The following PPM1L variants were observed in gnomAD, a reference collection of about 807,000 sequenced individuals.
PPM1L encodes the protein protein phosphatase, Mg2+/Mn2+ dependent 1L.
In PPM1L, 13 loss-of-function variants were observed where a neutral mutation model predicts 31.4. That is an observed-to-expected ratio of 0.41 (90% CI 0.27 to 0.66). The LOEUF (loss-of-function observed/expected upper bound fraction) is 0.66, where lower values mean the gene tolerates loss of function less well. PPM1L is among the 30% of genes least tolerant of loss of function. The pLI is 0.29. For synonymous variants in PPM1L, 184 were observed against 175.4 expected (o/e 1.05, Z -0.39); for missense variants, 326 against 453.7 (o/e 0.72, Z 2.56).
chr3:160,762,186 C>T (rs7632089), intron 1 of PPM1L, among the ~76,000 whole-genome samples: 9,649 of 152,196 alleles, frequency 0.063, 869 homozygotes, highest in African/African-American at 0.2. Flanking sequence ...AGTAAATGTT[C>T]GGCTTTCACA....
chr3:160,858,206 C>G (rs1711780326), intron 1 of PPM1L, among the ~76,000 whole-genome samples: 1 of 152,164 alleles, frequency 6.6e-6, no homozygotes, highest in South Asian at 2.1e-4. Flanking sequence ...CATTTTAGCA[C>G]AAATAACTTT....
intron 1 of PPM1L, among the ~76,000 whole-genome samples, chr3:160,947,482 G>A (rs1056639450): frequency 7.9e-5 from 12 of 151,958 alleles, no homozygotes; most frequent in African/African-American, 2.9e-4. Flanking sequence ...TTTAGATCTT[G>A]GCTTTACATC....
At chr3:160,956,296 C>T (rs1445505278) in intron 1 of PPM1L, among the ~76,000 whole-genome samples, 1 of 152,176 alleles carries the variant, frequency 6.6e-6, no homozygotes, top group African/African-American at 2.4e-5. Context: ...TTATGCCCTG[C>T]CTTGTAAGTT....
At chr3:160,887,794 A>G (rs1444766098) in intron 1 of PPM1L, among the ~76,000 whole-genome samples, 1 of 151,984 alleles carries the variant, frequency 6.6e-6, no homozygotes, top group African/African-American at 2.4e-5. Context: ...CATGTTAGCC[A>G]GGATGGTCTC....
chr3:161,010,156 C>G (rs1193681489), intron 2 of PPM1L, among the ~76,000 whole-genome samples: 4 of 152,084 alleles, frequency 2.6e-5, no homozygotes, highest in Admixed American at 2.6e-4. Flanking sequence ...CTCCTCCTCC[C>G]CCCACCCCAT....
chr3:160,989,491 G>A (rs56807417), intron 2 of PPM1L, among the ~76,000 whole-genome samples: 7,137 of 149,492 alleles, frequency 0.048, 423 homozygotes, highest in African/African-American at 0.12. Flanking sequence ...TGCAACCTCT[G>A]CCTCCCAGGT....
intron 2 of PPM1L, among the ~76,000 whole-genome samples, chr3:161,002,157 C>T (rs776055646): frequency 9.9e-5 from 15 of 152,260 alleles, no homozygotes; most frequent in Non-Finnish European, 1.3e-4. Context: ...TCCCTACAAA[C>T]GACGTGAACT....
intron 1 of PPM1L, among the ~76,000 whole-genome samples, chr3:160,934,104 A>G (rs1286808555): frequency 6.6e-6 from 1 of 152,246 alleles, no homozygotes; most frequent in African/African-American, 2.4e-5. Flanking sequence ...GAAAATAAGA[A>G]ATCTGGATGA....
At chr3:160,797,449 G>C (rs185995378) in intron 1 of PPM1L, among the ~76,000 whole-genome samples, 2 of 152,134 alleles carry the variant, frequency 1.3e-5, no homozygotes, top group Admixed American at 1.3e-4. Flanking sequence ...CTCTTCAGTA[G>C]CCTCTAAGTG....
At chr3:160,823,368 A>ATTTTTTTTTTTTTTTTTT in intron 1 of PPM1L, among the ~76,000 whole-genome samples, 1 of 142,154 alleles carries the variant, frequency 7.0e-6, no homozygotes, top group Non-Finnish European at 1.5e-5. Context: ...TGTATAAATG[A>ATTTTTTTTTTTTTTTTTT]TTTTTTTTTT....
rs150852846 is a variant in PPM1L, at chr3:160,839,372, A to C, written c.399+82665A>C. On this transcript the variant is annotated intron_variant, in intron 1 of 3. Transcript: ENST00000498165. Reference sequence around the variant, plus strand: ...AAACCAGCAATTTCCCATCTCTAGGAGTGGGTGGGGAACTCTTAGAGCTGC... The same window carrying C: ...AAACCAGCAATTTCCCATCTCTAGGCGTGGGTGGGGAACTCTTAGAGCTGC... 7.9e-5 allele frequency among the ~76,000 whole-genome samples: 12 copies of C among 152,290 alleles called. No homozygotes were observed. In the East Asian group the frequency reaches 2.1e-3, roughly 27 times the overall value.
chr3:161,041,993 C>T (rs890055089), intron 2 of PPM1L, among the ~76,000 whole-genome samples: 1 of 152,066 alleles, frequency 6.6e-6, no homozygotes, highest in Non-Finnish European at 1.5e-5. Context: ...CGTTCTCATT[C>T]ATTTACTTAT....
In PPM1L at chr3:161,003,189, T is replaced by G. The variant is rs1040565663; in HGVS notation, c.574+41279T>G. ...TTTCTGAGGGCTCTGTTCTGTTCCA[T>G]TGATCTATATGTCTGTTTTGGTACC... On this transcript the variant is annotated intron_variant, in intron 2 of 3. Transcript: ENST00000498165. 7.2e-4 allele frequency among the ~76,000 whole-genome samples: 110 copies of G among 152,016 alleles called. No individual in the cohort carries two copies. The East Asian group carries it at 0.02, about 28-fold the overall frequency.
At chr3:160,838,273 A>C (rs1328497785) in intron 1 of PPM1L, among the ~76,000 whole-genome samples, 3 of 152,294 alleles carry the variant, frequency 2.0e-5, no homozygotes, top group Admixed American at 2.0e-4. Flanking sequence ...GAACTTGAAA[A>C]AATTATGTAG....
At chr3:160,928,983 G>A (rs1374792) in intron 1 of PPM1L, among the ~76,000 whole-genome samples, 19,384 of 152,050 alleles carry the variant, frequency 0.13, 1,811 homozygotes, top group African/African-American at 0.26. Context: ...CTAAGTTTCT[G>A]ATTTAGTTTT....
intron 1 of PPM1L, among the ~76,000 whole-genome samples, chr3:160,887,773 C>T (rs1712970635): frequency 6.6e-6 from 1 of 151,728 alleles, no homozygotes; most frequent in Admixed American, 6.6e-5. Flanking sequence ...TTAGTAGAGA[C>T]AGGGTTTCAC....
chr3:161,027,224 C>A (rs80349458), intron 2 of PPM1L, among the ~76,000 whole-genome samples: 1 of 152,224 alleles, frequency 6.6e-6, no homozygotes, highest in African/African-American at 2.4e-5. Context: ...GCTTTGACAG[C>A]ACTGTGGAGC....
intron 2 of PPM1L, among the ~76,000 whole-genome samples, chr3:161,005,394 A>G (rs1022190806): frequency 3.9e-5 from 6 of 152,214 alleles, no homozygotes; most frequent in Non-Finnish European, 2.9e-5. Flanking sequence ...GATGCAATTA[A>G]CTATGATCTC....
At chr3:160,819,433 A>G (rs979973742) in intron 1 of PPM1L, among the ~76,000 whole-genome samples, 41 of 152,036 alleles carry the variant, frequency 2.7e-4, no homozygotes, top group African/African-American at 9.7e-4. Context: ...CCTGTGGACA[A>G]ATGAAGCCTG....
Sources: allele counts gnomAD v4.1 joint callset (sites outside exome capture counted in the v4.1 genomes callset), GRCh38; gene constraint gnomAD v4.1.1; transcripts MANE v1.5; gene names NCBI Gene and HGNC (gene_info 2026-07-23, HGNC 2026-07-21).